The following CORO7 variants were observed in gnomAD, a reference collection of about 807,000 sequenced individuals.
CORO7 encodes coronin-7.
In CORO7, 107 loss-of-function variants were observed where a neutral mutation model predicts 126.6. That is an observed-to-expected ratio of 0.85 (90% CI 0.72 to 0.99). CORO7 has a LOEUF of 0.99. CORO7 is among the 50% of genes least tolerant of loss of function. CORO7 has a pLI of 0.00. For missense variants in CORO7, 1,314 were observed against 1,255.8 expected, an observed-to-expected ratio of 1.05 and a Z score of -0.70; for synonymous variants, 603 against 536.8, an observed-to-expected ratio of 1.12 and a Z score of -1.70.
Position 4,407,656 on chromosome 16 carries a change from C to A in CORO7, c.332G>T (p.Gly111Val), listed in dbSNP as rs756074845. 3.1e-6 allele frequency: 5 copies of A among 1,603,102 alleles called. No individual in the cohort carries two copies. The highest frequency in any genetic ancestry group is 4.3e-6 in the Non-Finnish European group (5 of 1,176,018). ...TVKLWRLPGP[G>V]QALPSAPGVV... ...CCCGGGTGCTGAGGGCAGGGCCTGGCCAGGCCCTGGCAGTCGCCAGAGTTT... is the reference window on the plus strand; with the variant it reads ...CCCGGGTGCTGAGGGCAGGGCCTGGACAGGCCCTGGCAGTCGCCAGAGTTT... The change falls in exon 5 of 28, where the codon GGC becomes GTC. Residue 111 changes from glycine (G) to valine (V), a missense_variant. Transcript: ENST00000251166.
At chr16:4,372,894 A>C (rs190541008) in intron 9 of CORO7, among the ~76,000 whole-genome samples, 235 of 152,298 alleles carry the variant, frequency 1.5e-3, no homozygotes, top group African/African-American at 5.5e-3. Context: ...CACCAAGGAC[A>C]GGTGAGGCTC....
At chr16:4,390,320 G>A (rs1206333339) in intron 7 of CORO7, among the ~76,000 whole-genome samples, 1 of 151,962 alleles carries the variant, frequency 6.6e-6, no homozygotes, top group Admixed American at 6.6e-5. Flanking sequence ...CTTTCCTATG[G>A]TGCTGAAGGA....
rs535632433 is a variant in CORO7, at chr16:4,362,554, G to A, written c.1402+58C>T. On this transcript the variant is annotated intron_variant, in intron 15 of 27. Coordinates refer to ENST00000251166, the MANE Select transcript of CORO7 (RefSeq NM_024535.5). The surrounding 1 kb of genome is among the most constrained non-coding windows in gnomAD (Gnocchi z 5.3). ...AGTAGGGTACACAGGAGGATGACGG[G>A]GAGTGGGGCAGACAGGGCTCCTGCG... The A allele has an allele frequency of 1.3e-4, 195 of 1,487,728 alleles. No individual in the cohort carries two copies. Among genetic ancestry groups the A allele is most frequent in the African/African-American group, 9.2e-4 (64 of 69,754 alleles). 92.2% of individuals were successfully genotyped at this position (1,487,728 alleles called of 1,614,324 possible). A position where few individuals can be genotyped will look rare whatever the true frequency, so the allele number is the denominator to read the frequency against.
intron 6 of CORO7, among the ~76,000 whole-genome samples, chr16:4,398,502 C>T (rs755305878): frequency 6.6e-6 from 1 of 151,906 alleles, no homozygotes; most frequent in Non-Finnish European, 1.5e-5. Context: ...CCCGTCTCTA[C>T]TAAAAATACA....
rs1171341852 is a variant in CORO7, at chr16:4,360,377, T to C, written c.2023-14A>G. On this transcript the variant is annotated splice_polypyrimidine_tract_variant and intron_variant, in intron 20 of 27. Transcript: ENST00000251166. Reference sequence around the variant, plus strand: ...CCCTGGGCCTTCCTGTTGAGATACATCGCGTGACACCCAGCCAGCACCCCT... The same window carrying C: ...CCCTGGGCCTTCCTGTTGAGATACACCGCGTGACACCCAGCCAGCACCCCT... 6.2e-7 allele frequency: 1 copy of C among 1,613,438 alleles called. No individual in the cohort carries two copies. The highest frequency in any genetic ancestry group is 1.7e-5 in the Admixed American group (1 of 60,008).
At chr16:4,382,238 C>A (rs754717382) in intron 9 of CORO7, 3 of 1,607,068 alleles carry the variant, frequency 1.9e-6, no homozygotes, top group Non-Finnish European at 2.5e-6. Context: ...CCCAGCCCTA[C>A]ACCAGTCACG....
rs569998245 is a variant in CORO7 at position 4,407,744 on chromosome 16, T to G, written c.304-60A>C. ...GAGGGCCTCACTGCCTTGAGTCAGC[T>G]GCCGTGACCCCAGTGAGGTCCCGTG... On this transcript the variant is annotated intron_variant, in intron 4 of 27. Coordinates refer to ENST00000251166, the MANE Select transcript of CORO7 (RefSeq NM_024535.5). 2.7e-6 allele frequency: 4 copies of G among 1,492,672 alleles called. No individual in the cohort carries two copies. The African/African-American group carries it at 4.2e-5, about 16-fold the overall frequency. 92.5% of individuals were successfully genotyped at this position (1,492,672 alleles called of 1,614,324 possible).
chr16:4,387,799 C>T, intron 9 of CORO7, 187 bp downstream of exon 9: 1 of 686,566 alleles, frequency 1.5e-6, no homozygotes, highest in South Asian at 1.9e-5. Context: ...GCACCTGCTG[C>T]TCGTGACATC....
At chr16:4,404,733 G>C (rs979878432) in intron 6 of CORO7, among the ~76,000 whole-genome samples, 3 of 151,928 alleles carry the variant, frequency 2.0e-5, no homozygotes, top group Non-Finnish European at 4.4e-5. Flanking sequence ...TCCAACACTT[G>C]GCTTCCTCCT....
At chr16:4,359,182 C>G in intron 23 of CORO7, 114 bp downstream of exon 23, 1 of 1,213,126 alleles carries the variant, frequency 8.2e-7, no homozygotes, top group Non-Finnish European at 1.1e-6. Context: ...AGGCCCAGCC[C>G]CAGCCCAGGA....
At chr16:4,403,685 C>G (rs1215009280) in intron 6 of CORO7, among the ~76,000 whole-genome samples, 4 of 152,056 alleles carry the variant, frequency 2.6e-5, no homozygotes, top group Non-Finnish European at 5.9e-5. Flanking sequence ...CATGGGGCTG[C>G]TCACTGTCCT....
intron 26 of CORO7, among the ~76,000 whole-genome samples, chr16:4,356,201 C>T (rs922081148): frequency 6.6e-6 from 1 of 152,084 alleles, no homozygotes; most frequent in South Asian, 2.1e-4. Flanking sequence ...GATCCGCCCT[C>T]CTCGGCCTCC....
chr16:4,359,266 A>G (rs1170887015), intron 23 of CORO7, 30 bp downstream of exon 23: 1 of 1,568,176 alleles, frequency 6.4e-7, no homozygotes, highest in South Asian at 1.2e-5. Flanking sequence ...TTGTGGTCCC[A>G]TCGGGGACGA....
chr16:4,382,137 CCACCTGGGGACACGG>C (rs771338479), intron 9 of CORO7: 2 of 1,590,194 alleles, frequency 1.3e-6, no homozygotes. Flanking sequence ...GGGGCACATG[CCACCTGGGGACACGG>C]CACCACCTGG....
rs115231567 is a variant in CORO7 at position 4,415,849 on chromosome 16, C to T, written c.60+610G>A. Reference sequence around the variant, plus strand: ...GCAATTCTTTGGGGCTCCACCTGCTCAGGCTTCCCCAGGCCCCACCCAGCC... The same window carrying T: ...GCAATTCTTTGGGGCTCCACCTGCTTAGGCTTCCCCAGGCCCCACCCAGCC... On this transcript the variant is annotated intron_variant, in intron 1 of 27. Coordinates refer to ENST00000251166, the MANE Select transcript of CORO7 (RefSeq NM_024535.5). 4 of 985,496 alleles carry T rather than the reference C, an allele frequency of 4.1e-6. No homozygotes were observed. The Admixed American group carries it at 1.8e-4, about 45-fold the overall frequency. 61.0% of individuals were successfully genotyped at this position (985,496 alleles called of 1,614,324 possible).
chr16:4,376,758 GGCC>G (rs1395025879), intron 9 of CORO7, among the ~76,000 whole-genome samples: 1 of 152,116 alleles, frequency 6.6e-6, no homozygotes, highest in African/African-American at 2.4e-5. Flanking sequence ...GTGCTGAAGG[GGCC>G]GCCAAGGGAC....
At chr16:4,414,818 C>T (rs907443504) in intron 1 of CORO7, among the ~76,000 whole-genome samples, 20 of 152,276 alleles carry the variant, frequency 1.3e-4, no homozygotes, top group Admixed American at 1.3e-3. Context: ...GAGCCACCGG[C>T]TGTCTTGATG....
intron 6 of CORO7, among the ~76,000 whole-genome samples, chr16:4,398,971 A>AG: frequency 6.6e-6 from 1 of 152,000 alleles, no homozygotes; most frequent in East Asian, 1.9e-4. Flanking sequence ...CCGTCTCAAA[A>AG]AAAAAAAAAA....
rs921612288 is a variant in CORO7, at chr16:4,381,620, G to A, written c.785+6366C>T. ...GGCCTGACGCGCCTGCGGCTGGCCGGCAACACCCGCATTGCCCAGCTGCGG... is the reference window on the plus strand; with the variant it reads ...GGCCTGACGCGCCTGCGGCTGGCCGACAACACCCGCATTGCCCAGCTGCGG... On this transcript the variant is annotated intron_variant, in intron 9 of 27. Coordinates refer to ENST00000251166, the MANE Select transcript of CORO7 (RefSeq NM_024535.5). 11 of 1,597,102 alleles carry A rather than the reference G, an allele frequency of 6.9e-6. No individual in the cohort carries two copies. Among genetic ancestry groups the A allele is most frequent in the Non-Finnish European group, 9.4e-6 (11 of 1,172,722 alleles).
Sources: allele counts gnomAD v4.1 joint callset (sites outside exome capture counted in the v4.1 genomes callset), GRCh38; gene constraint gnomAD v4.1.1; non-coding constraint Gnocchi (gnomAD v3.1); transcripts MANE v1.5; gene names NCBI Gene and HGNC (gene_info 2026-07-23, HGNC 2026-07-21).